Variants in CYRIB observed in about 807,000 individuals in gnomAD.
The protein encoded by CYRIB is CYFIP related Rac1 interactor B, also known as CYFIP-related Rac1 interactor B.
Under a neutral mutation model 44.2 loss-of-function variants are expected in CYRIB, and 8 were observed. The observed-to-expected ratio is 0.18, with a 90% CI of 0.11 to 0.33. CYRIB has a LOEUF of 0.33. Among genes scored for constraint, CYRIB ranks in the 10% least tolerant of loss-of-function variants. CYRIB has a pLI of 1.00. For missense variants in CYRIB, 185 were observed against 382.8 expected, an observed-to-expected ratio of 0.48 and a Z score of 4.31; for synonymous variants, 131 against 127.2, an observed-to-expected ratio of 1.03 and a Z score of -0.20.
intron 4 of CYRIB, among the ~76,000 whole-genome samples, chr8:129,867,441 T>C (rs1264362242): frequency 6.6e-6 from 1 of 151,566 alleles, no homozygotes; most frequent in Non-Finnish European, 1.5e-5. Context: ...TTTTTTAAAA[T>C]TTACAAAAAA....
intron 4 of CYRIB, among the ~76,000 whole-genome samples, chr8:129,868,351 C>T (rs2055017862): frequency 6.6e-6 from 1 of 152,168 alleles, no homozygotes; most frequent in Non-Finnish European, 1.5e-5. Flanking sequence ...TTTTGTATTT[C>T]AATGCCTATT....
chr8:129,943,131 GGAA>G (rs1415203719), upstream of CYRIB, among the ~76,000 whole-genome samples: 6 of 141,568 alleles, frequency 4.2e-5, no homozygotes, highest in African/African-American at 1.7e-4. Flanking sequence ...TGAGGGTCTG[GGAA>G]GAAGGAGAGT....
At chr8:129,970,262 A>C (rs2095638746) in intron 2 of CYRIB, among the ~76,000 whole-genome samples, 2 of 152,132 alleles carry the variant, frequency 1.3e-5, no homozygotes, top group Non-Finnish European at 1.5e-5. Context: ...CTCACCAGTG[A>C]GGATAGTTGG....
chr8:129,912,944 T>A (rs1217404166), intron 1 of CYRIB, among the ~76,000 whole-genome samples: 1 of 150,938 alleles, frequency 6.6e-6, no homozygotes. Context: ...TACAATGCAA[T>A]ACCATGACTT....
At chr8:129,896,238 C>G (rs1377672377) in intron 2 of CYRIB, among the ~76,000 whole-genome samples, 2 of 152,116 alleles carry the variant, frequency 1.3e-5, no homozygotes, top group Non-Finnish European at 1.5e-5. Flanking sequence ...AAGAGAATAC[C>G]TAAACTAAGG....
intron 2 of CYRIB, chr8:129,970,419 C>CTTTTTT (rs1024468466): frequency 7.5e-6 from 1 of 133,692 alleles, no homozygotes; most frequent in Non-Finnish European, 1.6e-5. Flanking sequence ...CACTGACTTT[C>CTTTTTT]TTTTTTTTTT....
intron 6 of CYRIB, 26 bp from the exon 9 acceptor site, chr8:129,854,369 A>T: frequency 6.5e-7 from 1 of 1,543,062 alleles, no homozygotes; most frequent in Non-Finnish European, 8.9e-7. Flanking sequence ...GTGGAAAAAA[A>T]ATGTTATGTA....
intron 2 of CYRIB, among the ~76,000 whole-genome samples, chr8:129,889,955 G>A (rs1284766424): frequency 6.6e-6 from 1 of 152,060 alleles, no homozygotes; most frequent in Non-Finnish European, 1.5e-5. Context: ...TTGTATTTTA[G>A]TAGAGATAGG....
intron 1 of CYRIB, among the ~76,000 whole-genome samples, chr8:129,982,910 C>T (rs1201389079): frequency 6.6e-6 from 1 of 151,688 alleles, no homozygotes; most frequent in African/African-American, 2.4e-5. Context: ...CTGCAGCCAA[C>T]ACAGTCTAGG....
At chr8:129,932,137 T>C (rs1039405924) in intron 1 of CYRIB, among the ~76,000 whole-genome samples, 8 of 151,972 alleles carry the variant, frequency 5.3e-5, no homozygotes, top group Non-Finnish European at 1.2e-4. Flanking sequence ...TAGCTGGGAT[T>C]ACAGGTGCTC....
chr8:129,854,247 A>G lies in CYRIB; in HGVS notation c.516+19T>C. The G allele has an allele frequency of 6.4e-7, 1 of 1,570,746 alleles. No homozygotes were observed. The highest frequency in any genetic ancestry group is 2.3e-5 in the East Asian group (1 of 44,414). On this transcript the variant is annotated intron_variant, in intron 7 of 11. Transcript: ENST00000519824. ...CTAAGTTACTCTTACCATCCCCCTA[A>G]TTCAAAGCATTAACTTACCGGTACA...
intron 2 of CYRIB, among the ~76,000 whole-genome samples, chr8:129,967,766 A>G (rs2095543853): frequency 6.6e-6 from 1 of 152,170 alleles, no homozygotes; most frequent in Non-Finnish European, 1.5e-5. Flanking sequence ...CCTCCTTTGA[A>G]TATTTTGCCC....
At chr8:129,843,791 T>G (rs1040582566) in intron 11 of CYRIB, 1 of 152,220 alleles carries the variant, frequency 6.6e-6, no homozygotes, top group Non-Finnish European at 1.5e-5. Flanking sequence ...TTCAAATTAA[T>G]TTAAAAACCG....
intron 1 of CYRIB, among the ~76,000 whole-genome samples, chr8:129,910,296 A>G (rs910401796): frequency 6.6e-6 from 1 of 152,206 alleles, no homozygotes; most frequent in African/African-American, 2.4e-5. Context: ...AACACCTTGA[A>G]TAATTATCTT....
In CYRIB at chr8:130,003,462, C is replaced by T. The variant is rs558259751; in HGVS notation, c.-296+12908G>A. On this transcript the variant is annotated intron_variant, in intron 1 of 14. Coordinates refer to the CYRIB transcript ENST00000401979. ...GTGACACCTTTCACAGGCATCACAG[C>T]GCAGGGTCAGGGACACCTGTTGGGT... Among the ~76,000 whole-genome samples, 4 of 152,298 alleles carry T rather than the reference C, an allele frequency of 2.6e-5. No homozygotes were observed. The South Asian group carries it at 8.3e-4, about 32-fold the overall frequency.
chr8:129,946,924 TCCCCCATCACCCTTCCAAAGGTGAAC>T (rs888764225), intron 2 of CYRIB, among the ~76,000 whole-genome samples: 21 of 152,096 alleles, frequency 1.4e-4, no homozygotes, highest in South Asian at 1.2e-3. Flanking sequence ...TCAAAGCAGT[TCCCCCATCACCCTTCCAAAGGTGAAC>T]CCCCCATCAC....
At chr8:129,911,215 A>C (rs1212425630) in intron 1 of CYRIB, among the ~76,000 whole-genome samples, 3 of 152,314 alleles carry the variant, frequency 2.0e-5, no homozygotes, top group East Asian at 1.9e-4. Flanking sequence ...TATATTTCAC[A>C]TAAGCCTGTG....
At chr8:129,936,417 T>C (rs1177429237) in intron 1 of CYRIB, among the ~76,000 whole-genome samples, 2 of 152,150 alleles carry the variant, frequency 1.3e-5, no homozygotes, top group African/African-American at 2.4e-5. Flanking sequence ...TGGCAAACAG[T>C]AGGTGTTCAA....
At chr8:129,974,612 T>A (rs55722386) in intron 1 of CYRIB, among the ~76,000 whole-genome samples, 2,188 of 152,018 alleles carry the variant, frequency 0.014, 19 homozygotes, top group Middle Eastern at 0.024. Context: ...CAATTGAGCC[T>A]CCCAAACCAC....
Sources: gnomAD v4.1 joint callset for allele counts (sites outside exome capture counted in the v4.1 genomes callset) on GRCh38, gnomAD v4.1.1 for gene constraint, MANE v1.5 for transcripts, NCBI Gene and HGNC (gene_info 2026-07-23, HGNC 2026-07-21) for gene names.